Variants in RABEP2 observed in about 807,000 individuals in gnomAD.
RABEP2 encodes rabaptin, RAB GTPase binding effector protein 2, also known as rab GTPase-binding effector protein 2.
RABEP2 carries 57 observed loss-of-function variants against 74.1 expected under a neutral mutation model. That is an observed-to-expected ratio of 0.77 (90% confidence interval 0.62 to 0.96). The LOEUF is 0.96. RABEP2 is among the 40% of genes least tolerant of loss of function. The pLI is 0.00. For synonymous variants in RABEP2, 351 were observed against 344.0 expected, an observed-to-expected ratio of 1.02 and a Z score of -0.23; for missense variants, 692 against 756.3, an observed-to-expected ratio of 0.91 and a Z score of 1.00.
At chr16:28,920,496 G>A (rs929834219) in intron 2 of RABEP2, among the ~76,000 whole-genome samples, 1 of 151,290 alleles carries the variant, frequency 6.6e-6, no homozygotes, top group African/African-American at 2.4e-5. Flanking sequence ...AGTGATTCTC[G>A]TGCCTCAGCG....
chr16:28,921,301 T>C, intron 2 of RABEP2: 4 of 454,560 alleles, frequency 8.8e-6, no homozygotes, highest in Non-Finnish European at 1.8e-5. Flanking sequence ...ATAGTTAGGA[T>C]GCAGTATGGG....
At chr16:28,918,946 A>G (rs1964431587) in intron 3 of RABEP2, among the ~76,000 whole-genome samples, 1 of 152,076 alleles carries the variant, frequency 6.6e-6, no homozygotes, top group Non-Finnish European at 1.5e-5. Flanking sequence ...TTGGCTTCCC[A>G]AAGTGCTGGG....
At position 28,914,757 on chromosome 16, in the gene RABEP2, CGCA is replaced by C. The variant is rs1964365426; in HGVS notation, c.455_457del (p.Leu152del). The C allele has an allele frequency of 6.2e-7, 1 of 1,614,122 alleles. No individual in the cohort carries two copies. The highest frequency in any genetic ancestry group is 8.5e-7 in the Non-Finnish European group (1 of 1,180,012). Reference sequence around the variant, plus strand: ...CTTTTCCATGGGCAGTACGATCTCCCGCAGCTTCTCCGAGTCCTCGTGGGCCTG... The same window carrying C: ...CTTTTCCATGGGCAGTACGATCTCCCGCTTCTCCGAGTCCTCGTGGGCCTG... On this transcript the variant is annotated inframe_deletion, in exon 4 of 13. Coordinates refer to ENST00000358201, the MANE Select transcript of RABEP2 (RefSeq NM_024816.3).
chr16:28,914,271 C>T lies in RABEP2; in HGVS notation c.859G>A (p.Val287Ile), dbSNP rs765496970. ...IYLPPPGYQLVPDTQWEQLQT... is the reference protein window; with the variant it reads ...IYLPPPGYQLIPDTQWEQLQT... Reference sequence around the variant, plus strand: ...AGCTGCTCCCACTGAGTGTCTGGGACGAGCTGGTAGCCAGGAGGGGGCAGG... The same window carrying T: ...AGCTGCTCCCACTGAGTGTCTGGGATGAGCTGGTAGCCAGGAGGGGGCAGG... Residue 287 changes from valine (V) to isoleucine (I), a missense_variant, in exon 5 of 13, where the codon GTC becomes ATC. By Grantham distance (29) the Val-to-Ile change is conservative. Coordinates refer to ENST00000358201, the MANE Select transcript of RABEP2 (RefSeq NM_024816.3). 34 of 1,610,056 alleles carry T rather than the reference C, an allele frequency of 2.1e-5. No homozygotes were observed. Among genetic ancestry groups the T allele is most frequent in the African/African-American group, 6.7e-5 (5 of 74,850 alleles).
intron 12 of RABEP2, 112 bp from the exon 13 acceptor site, chr16:28,905,156 C>G (rs1437611330): frequency 1.2e-6 from 1 of 868,936 alleles, no homozygotes; most frequent in East Asian, 2.7e-5. Context: ...GGGGCCACCT[C>G]TAGGGGGCTG....
In RABEP2 at chr16:28,925,191, C is replaced by A; in HGVS notation, c.-28G>T. On this transcript the variant is annotated 5_prime_UTR_variant, in exon 1 of 13. Transcript: ENST00000358201. Reference sequence around the variant, plus strand: ...CCTCAGCGCAAACGGCGGATTCCCGCACTCCCTGGTGACGGAGCGCACCGC... The same window carrying A: ...CCTCAGCGCAAACGGCGGATTCCCGAACTCCCTGGTGACGGAGCGCACCGC... 3 of 1,523,394 alleles carry A rather than the reference C, an allele frequency of 2.0e-6. No individual in the cohort carries two copies. The highest frequency in any genetic ancestry group is 2.6e-6 in the Non-Finnish European group (3 of 1,141,600). 94.4% of individuals were successfully genotyped at this position (1,523,394 alleles called of 1,614,324 possible). A position where few individuals can be genotyped will look rare whatever the true frequency, so the allele number is the denominator to read the frequency against.
chr16:28,907,165 T>C (rs949088137), intron 8 of RABEP2, among the ~76,000 whole-genome samples: 1 of 147,344 alleles, frequency 6.8e-6, no homozygotes, highest in Non-Finnish European at 1.5e-5. Flanking sequence ...TGCCTTTGTT[T>C]TTTTTTTTTT....
At position 28,914,759 on chromosome 16, in the gene RABEP2, C is replaced by T. The variant is rs1964365469; in HGVS notation, c.456G>A (p.Leu152=). ...TTTCCATGGGCAGTACGATCTCCCG[C>T]AGCTTCTCCGAGTCCTCGTGGGCCT... ...MEKAHEDSEK[L]REIVLPMEKE... The change falls in exon 4 of 13, where the codon CTG becomes CTA. Residue 152 remains leucine (L), a synonymous_variant. Transcript: ENST00000358201. 6.2e-7 allele frequency: 1 copy of T among 1,614,072 alleles called. No homozygotes were observed. Among genetic ancestry groups the T allele is most frequent in the South Asian group, 1.1e-5 (1 of 91,086 alleles).
chr16:28,924,220 A>G, intron 2 of RABEP2, 183 bp downstream of exon 2: 1 of 602,084 alleles, frequency 1.7e-6, no homozygotes, highest in Non-Finnish European at 2.9e-6. Flanking sequence ...AGCTGCTGCT[A>G]TCACATGGAG....
intron 7 of RABEP2, among the ~76,000 whole-genome samples, chr16:28,909,520 C>A (rs1964282959): frequency 6.6e-6 from 1 of 152,036 alleles, no homozygotes; most frequent in South Asian, 2.1e-4. Flanking sequence ...TGAGACCAGC[C>A]TGGGCAACAT....
At chr16:28,912,227 A>G (rs1169233026) in intron 5 of RABEP2, among the ~76,000 whole-genome samples, 1 of 150,540 alleles carries the variant, frequency 6.6e-6, no homozygotes, top group Non-Finnish European at 1.5e-5. Context: ...AGCCTGGGTG[A>G]CACAGCGAGA....
At chr16:28,922,775 T>TC (rs1320997477) in intron 2 of RABEP2, among the ~76,000 whole-genome samples, 3 of 151,938 alleles carry the variant, frequency 2.0e-5, no homozygotes, top group Non-Finnish European at 4.4e-5. Flanking sequence ...ACGCCTGTAG[T>TC]CCCAGCTACT....
At chr16:28,917,692 G>A (rs1475934256) in intron 3 of RABEP2, 1 of 152,332 alleles carries the variant, frequency 6.6e-6, no homozygotes, top group Non-Finnish European at 1.5e-5. Flanking sequence ...AAAGGGCTAG[G>A]ATTACAGGCG....
intron 7 of RABEP2, chr16:28,910,165 G>A (rs1964292188): frequency 1.3e-5 from 2 of 152,176 alleles, no homozygotes; most frequent in Admixed American, 6.5e-5. Context: ...CCAGAGGCAG[G>A]AGCCCCTTGC....
At position 28,919,954 on chromosome 16, in the gene RABEP2, A is replaced by C; in HGVS notation, c.275-11T>G. The C allele has an allele frequency of 4.6e-6, 4 of 868,180 alleles. No homozygotes were observed. Among genetic ancestry groups the C allele is most frequent in the East Asian group, 4.7e-5 (1 of 21,370 alleles). The allele number at this position is 868,180 out of a possible 1,614,324, so 53.8% of individuals were successfully genotyped here. A position where few individuals can be genotyped will look rare whatever the true frequency, so the allele number is the denominator to read the frequency against. ...AGCTGCTGATGGAGTCTGGTGGGGGAGAGGGAGGGTGGGAGAGAGGGAGGG... is the reference window on the plus strand; with the variant it reads ...AGCTGCTGATGGAGTCTGGTGGGGGCGAGGGAGGGTGGGAGAGAGGGAGGG... On this transcript the variant is annotated splice_polypyrimidine_tract_variant and intron_variant, in intron 2 of 12. Coordinates refer to ENST00000358201, the MANE Select transcript of RABEP2 (RefSeq NM_024816.3).
At chr16:28,918,384 G>A (rs889780581) in intron 3 of RABEP2, among the ~76,000 whole-genome samples, 2 of 152,100 alleles carry the variant, frequency 1.3e-5, no homozygotes, top group Non-Finnish European at 2.9e-5. Flanking sequence ...AGGCGGAGGC[G>A]GGCCGATCAC....
intron 5 of RABEP2, among the ~76,000 whole-genome samples, chr16:28,912,144 G>A (rs760464565): frequency 1.2e-4 from 18 of 151,674 alleles, no homozygotes; most frequent in Non-Finnish European, 2.4e-4. Flanking sequence ...TACTCGGAAG[G>A]CTGAGGCAGG....
chr16:28,906,017 A>C lies in RABEP2; in HGVS notation c.1423+2T>G. ...GCTGGGGGCTTGTGCCCCTCCCCTC[A>C]CCTGTCTCCTCCCGCTGCACCCTCA... On this transcript the variant is annotated splice_donor_variant, in intron 9 of 12. Transcript: ENST00000358201. LOFTEE classifies it high-confidence loss of function. 1 of 1,606,136 alleles carries C rather than the reference A, an allele frequency of 6.2e-7. No individual in the cohort carries two copies. The highest frequency in any genetic ancestry group is 8.5e-7 in the Non-Finnish European group (1 of 1,177,106).
At chr16:28,909,355 G>A (rs1310132050) in intron 7 of RABEP2, among the ~76,000 whole-genome samples, 1 of 152,116 alleles carries the variant, frequency 6.6e-6, no homozygotes, top group African/African-American at 2.4e-5. Flanking sequence ...GGGATTACAG[G>A]TGTGAGCCAC....
Sources: allele counts gnomAD v4.1 joint callset (sites outside exome capture counted in the v4.1 genomes callset), GRCh38; gene constraint gnomAD v4.1.1; transcripts MANE v1.5; gene names NCBI Gene and HGNC (gene_info 2026-07-23, HGNC 2026-07-21).